PRKDC: variants seen among roughly 807,000 people sequenced by gnomAD.
PRKDC encodes protein kinase, DNA-activated, catalytic subunit.
A neutral mutation model predicts 486.9 loss-of-function variants in PRKDC; 82 were observed. The ratio of observed to expected loss-of-function variants is 0.17; its 90% confidence interval spans 0.14 to 0.20. The LOEUF (loss-of-function observed/expected upper bound fraction) is 0.20. Among genes scored for constraint, PRKDC ranks in the 10% least tolerant of loss-of-function variants. The probability of loss-of-function intolerance (pLI) is 1.00; values close to 1 mark genes in which losing one functional copy is unlikely to be tolerated. For missense variants in PRKDC, 4,504 were observed against 5,038.2 expected (o/e 0.89, Z 3.21); for synonymous variants, 1,895 against 1,837.0 (o/e 1.03, Z -0.81).
chr8:47,778,778 T>C lies in PRKDC; in HGVS notation c.11601A>G (p.Thr3867=). Residue 3867 remains threonine, a synonymous_variant, in exon 82 of 86, where the codon ACA becomes ACG. Transcript: ENST00000314191. The stretch of plus-strand genomic sequence containing the variant: ...TTTCTCGTTTTCTAAAAGACGTGAC[T>C]GTTTCAGTACGATTAGCGCCCCTAT... ...LMYKGANRTE[T]VTSFRKRESK... is the part of the protein sequence containing the mutation. 1 of 1,613,780 alleles carries C rather than the reference T, an allele frequency of 6.2e-7. No individual in the cohort carries two copies. The highest frequency in any genetic ancestry group is 8.5e-7 in the Non-Finnish European group (1 of 1,179,772).
At chr8:47,832,776 G>C (rs938493599) in intron 59 of PRKDC, among the ~76,000 whole-genome samples, 1 of 152,226 alleles carries the variant, frequency 6.6e-6, no homozygotes. Flanking sequence ...TGGAAGGTGA[G>C]AGTCAGCGGC....
intron 49 of PRKDC, among the ~76,000 whole-genome samples, chr8:47,855,958 G>A (rs769174836): frequency 6.6e-6 from 1 of 152,114 alleles, no homozygotes; most frequent in Non-Finnish European, 1.5e-5. Flanking sequence ...AACCTTTCTG[G>A]CTTGCTGTTG....
Position 47,858,957 on chromosome 8 carries a change from A to G in PRKDC, c.6237T>C (p.Asp2079=). 3 of 1,613,522 alleles carry G rather than the reference A, an allele frequency of 1.9e-6. No homozygotes were observed. The highest frequency in any genetic ancestry group is 2.5e-6 in the Non-Finnish European group (3 of 1,179,878). ...REQRDPTVHD[D]VLELEMDELN... ...GCTCGTCCATCTCCAGCTCCAGCAC[A>G]TCATCATGCACCGTGGGGTCCCGCT... Residue 2079 remains aspartate, a synonymous_variant, in exon 47 of 86, where the codon GAT becomes GAC. Transcript: ENST00000314191.
At chr8:47,852,898 T>C (rs2088442683) in intron 51 of PRKDC, 114 bp from the exon 52 acceptor site, 1 of 701,234 alleles carries the variant, frequency 1.4e-6, no homozygotes, top group South Asian at 1.8e-5. Flanking sequence ...TGAGGAAATC[T>C]AAATATAGAA....
chr8:47,793,354 G>C (rs963652386), intron 74 of PRKDC, among the ~76,000 whole-genome samples: 3 of 152,216 alleles, frequency 2.0e-5, no homozygotes, highest in Non-Finnish European at 2.9e-5. Context: ...CCTCAGCTGG[G>C]CATGGTGGCT....
At position 47,828,313 on chromosome 8, in the gene PRKDC, C is replaced by A. The variant is rs767694980; in HGVS notation, c.8432G>T (p.Ser2811Ile). Residue 2811 changes from serine to isoleucine, a missense_variant, in exon 62 of 86, where the codon AGC becomes ATC. Transcript: ENST00000314191. ...DPIIAKQLFS[S>I]LFSGILKEMD... ...CTCTTTCAAAATTCCAGAAAACAAG[C>A]TGCTAAAGAGCTGTTTTGCAATTAT... 7 of 1,599,272 alleles carry A rather than the reference C, an allele frequency of 4.4e-6. No homozygotes were observed. The highest frequency in any genetic ancestry group is 6.0e-6 in the Non-Finnish European group (7 of 1,172,656).
Position 47,946,207 on chromosome 8 carries a change from G to A in PRKDC, c.722-2178C>T, listed in dbSNP as rs768973506. Among the ~76,000 whole-genome samples, 74 of 151,962 alleles carry A rather than the reference G, an allele frequency of 4.9e-4. 1 individual carries two copies. In the Middle Eastern group the frequency reaches 0.01, roughly 21 times the overall value. On this transcript the variant is annotated intron_variant, in intron 7 of 85. Coordinates refer to ENST00000314191, the MANE Select transcript of PRKDC (RefSeq NM_006904.7). ...TTAGCTGGGTGTGGTGGCGCATACC[G>A]GTAATCCCAGCTACTTGGTAGGCTG...
Position 47,777,839 on chromosome 8 carries a change from T to C in PRKDC, c.11889A>G (p.Leu3963=). ...LPVPELMPFR[L]TRQFINLMLP... is the part of the protein sequence containing the mutation. ...ACATCAGATTGATAAACTGGCGAGT[T>C]AGCCGAAAAGGCATCAACTCAGGGA... The change falls in exon 84 of 86, where the codon CTA becomes CTG. Residue 3963 remains leucine, a synonymous_variant. Transcript: ENST00000314191. 5 of 1,613,896 alleles carry C rather than the reference T, an allele frequency of 3.1e-6. No individual in the cohort carries two copies. The South Asian group carries it at 3.3e-5, about 11-fold the overall frequency.
At chr8:47,837,083 C>G in intron 57 of PRKDC, 129 bp downstream of exon 57, 1 of 1,053,708 alleles carries the variant, frequency 9.5e-7, no homozygotes, top group Admixed American at 2.6e-5. Context: ...GAGGCACGAG[C>G]CTTCCCTTTC....
chr8:47,821,853 CG>C, intron 64 of PRKDC, 61 bp from the exon 65 acceptor site: 1 of 1,348,160 alleles, frequency 7.4e-7, no homozygotes, highest in Non-Finnish European at 1.0e-6. Flanking sequence ...AATGAGAACA[CG>C]TAAAAAGGAG....
chr8:47,813,668 C>T (rs183149830), intron 68 of PRKDC, among the ~76,000 whole-genome samples: 42 of 152,000 alleles, frequency 2.8e-4, no homozygotes, highest in Admixed American at 2.5e-3. Flanking sequence ...CTCTGCCTCC[C>T]GGGTTCAAGC....
At chr8:47,786,767 T>C (rs1355867768) in intron 76 of PRKDC, among the ~76,000 whole-genome samples, 1 of 135,380 alleles carries the variant, frequency 7.4e-6, no homozygotes, top group Non-Finnish European at 1.6e-5. Context: ...TCTTGCTCTG[T>C]CACCCAGGCT....
rs2090237219 is a variant in PRKDC at position 47,930,760 on chromosome 8, T to C, written c.1804A>G (p.Met602Val). 5 of 1,587,384 alleles carry C rather than the reference T, an allele frequency of 3.1e-6. No homozygotes were observed. Among genetic ancestry groups the C allele is most frequent in the South Asian group, 1.2e-5 (1 of 86,058 alleles). Residue 602 changes from methionine to valine, a missense_variant, in exon 17 of 86, where the codon ATG becomes GTG. Physicochemically the swap from Met to Val is conservative, Grantham distance 21. This residue lies in a region of PRKDC where 1,969 missense variants were observed against 2,068.9 expected (regional missense o/e 0.95). Coordinates refer to ENST00000314191, the MANE Select transcript of PRKDC (RefSeq NM_006904.7). ...ENGDEAPGVW[M>V]IPTSDPAANL... ...GCCGCTGGATCTGAAGTTGGGATCA[T>C]CCAAACACCAGGCGCCTCATCTCCA...
intron 54 of PRKDC, among the ~76,000 whole-genome samples, chr8:47,846,684 A>G (rs547918857): frequency 1.5e-4 from 23 of 152,300 alleles, no homozygotes; most frequent in Non-Finnish European, 2.8e-4. Context: ...GAAATAAAAC[A>G]TATTCAAATA....
chr8:47,811,842 T>C (rs1042065390), intron 68 of PRKDC, among the ~76,000 whole-genome samples: 2 of 152,110 alleles, frequency 1.3e-5, no homozygotes, highest in Non-Finnish European at 2.9e-5. Context: ...CTGGGCGTGG[T>C]GGCACATGCC....
chr8:47,788,817 T>G, intron 76 of PRKDC, 89 bp downstream of exon 76: 1 of 1,235,968 alleles, frequency 8.1e-7, no homozygotes, highest in Non-Finnish European at 1.1e-6. Flanking sequence ...ATGATTACAT[T>G]TAATACAAAT....
intron 69 of PRKDC, among the ~76,000 whole-genome samples, chr8:47,804,278 C>T (rs2087171770): frequency 6.6e-6 from 1 of 151,072 alleles, no homozygotes; most frequent in South Asian, 2.1e-4. Flanking sequence ...AATAATACTC[C>T]ATTGCACGGA....
At chr8:47,920,726 T>C (rs10106778) in intron 21 of PRKDC, among the ~76,000 whole-genome samples, 22,155 of 152,210 alleles carry the variant, frequency 0.15, 2,575 homozygotes, top group African/African-American at 0.3. Context: ...TGCACTTTAT[T>C]CTACTTGTGT....
intron 11 of PRKDC, among the ~76,000 whole-genome samples, chr8:47,936,982 G>A (rs189091185): frequency 1.6e-3 from 241 of 150,974 alleles, no homozygotes; most frequent in African/African-American, 5.7e-3. Flanking sequence ...GGCCGGGTGC[G>A]GCGGCCCATG....
Sources: allele counts gnomAD v4.1 joint callset (sites outside exome capture counted in the v4.1 genomes callset), GRCh38; gene constraint gnomAD v4.1.1; regional missense constraint gnomAD v4.1.1; transcripts MANE v1.5; gene names NCBI Gene and HGNC (gene_info 2026-07-23, HGNC 2026-07-21).